The following MKLN1 variants were observed in gnomAD, a reference collection of about 807,000 sequenced individuals.
MKLN1 encodes muskelin.
A neutral mutation model predicts 99.0 loss-of-function variants in MKLN1; 18 were observed. The observed-to-expected ratio is 0.18, with a 90% CI of 0.13 to 0.27. MKLN1 has a LOEUF of 0.27. Ranked by LOEUF, MKLN1 falls within the 10% of genes least tolerant of loss-of-function variation. The pLI, the probability that MKLN1 is intolerant of heterozygous loss-of-function variation, is 1.00. For missense variants in MKLN1, 621 were observed against 875.9 expected, an observed-to-expected ratio of 0.71 and a Z score of 3.67; for synonymous variants, 288 against 293.2, an observed-to-expected ratio of 0.98 and a Z score of 0.18.
At chr7:131,158,214 C>A (rs1256868013) in intron 2 of MKLN1, among the ~76,000 whole-genome samples, 2 of 152,128 alleles carry the variant, frequency 1.3e-5, no homozygotes, top group East Asian at 1.9e-4. Context: ...CTGAGGCAGG[C>A]GGATCACCTG....
At chr7:131,198,816 T>C (rs1796685743) in intron 2 of MKLN1, among the ~76,000 whole-genome samples, 1 of 152,150 alleles carries the variant, frequency 6.6e-6, no homozygotes, top group Non-Finnish European at 1.5e-5. Flanking sequence ...CAACCTTATG[T>C]CCCGTCACCT....
intron 3 of MKLN1, among the ~76,000 whole-genome samples, chr7:131,307,037 C>T (rs1798477176): frequency 1.3e-5 from 2 of 152,052 alleles, no homozygotes; most frequent in South Asian, 4.1e-4. Context: ...ATCCCAGCCA[C>T]AGTTGGGGGA....
chr7:131,193,846 A>G (rs1395650554), intron 2 of MKLN1, among the ~76,000 whole-genome samples: 1 of 151,892 alleles, frequency 6.6e-6, no homozygotes, highest in Non-Finnish European at 1.5e-5. Flanking sequence ...CAGGCTAGTA[A>G]CAAACTCCTG....
rs527934860 is a variant in MKLN1 at position 131,425,056 on chromosome 7, A to G, written c.848-3977A>G. On this transcript the variant is annotated intron_variant, in intron 8 of 17. Transcript: ENST00000352689. ...CACACAGTTTAACCATTTAACATGC[A>G]TTATTTAATTTAATTTAATTCTCAC... Among the ~76,000 whole-genome samples, 4 of 152,314 alleles carry G rather than the reference A, an allele frequency of 2.6e-5. 1 individual carries two copies. The highest frequency in any genetic ancestry group is 4.8e-5 in the African/African-American group (2 of 41,574).
chr7:131,424,169 A>G (rs1434865642), intron 8 of MKLN1, among the ~76,000 whole-genome samples: 1 of 152,096 alleles, frequency 6.6e-6, no homozygotes, highest in Non-Finnish European at 1.5e-5. Flanking sequence ...TCTAAATATT[A>G]TAGAGTTTTA....
At chr7:131,355,628 C>CCATATATATATA (rs780680120) in intron 1 of MKLN1, among the ~76,000 whole-genome samples, 3 of 136,906 alleles carry the variant, frequency 2.2e-5, no homozygotes, top group African/African-American at 8.6e-5. Flanking sequence ...TAACTTGATA[C>CCATATATATATA]TATATATATA....
chr7:131,233,427 C>T (rs986139086), intron 3 of MKLN1, among the ~76,000 whole-genome samples: 7 of 148,154 alleles, frequency 4.7e-5, no homozygotes, highest in African/African-American at 9.8e-5. Context: ...TTATATTTTG[C>T]GTCATGACAG....
At chr7:131,280,807 C>T (rs573794756) in intron 3 of MKLN1, among the ~76,000 whole-genome samples, 1 of 152,104 alleles carries the variant, frequency 6.6e-6, no homozygotes, top group Admixed American at 6.6e-5. Flanking sequence ...CACCACCACA[C>T]CCAGCTAATT....
chr7:131,347,107 A>G (rs1019962786), intron 1 of MKLN1, among the ~76,000 whole-genome samples: 1 of 152,208 alleles, frequency 6.6e-6, no homozygotes, highest in African/African-American at 2.4e-5. Flanking sequence ...GCATGGTGCA[A>G]CCTGCATAAT....
intron 1 of MKLN1, among the ~76,000 whole-genome samples, chr7:131,133,827 T>G (rs1795604089): frequency 2.3e-5 from 3 of 133,220 alleles, no homozygotes; most frequent in Non-Finnish European, 4.9e-5. Flanking sequence ...TTGGTTTTTT[T>G]TTTTTTTTTT....
intron 2 of MKLN1, among the ~76,000 whole-genome samples, chr7:131,202,595 C>A (rs1009223229): frequency 6.6e-6 from 1 of 152,104 alleles, no homozygotes; most frequent in African/African-American, 2.4e-5. Context: ...CTGTCCTGGG[C>A]ATTATAGGAT....
At chr7:131,476,891 A>G (rs1796982406) in intron 16 of MKLN1, among the ~76,000 whole-genome samples, 1 of 152,206 alleles carries the variant, frequency 6.6e-6, no homozygotes. Flanking sequence ...GGATAGACAA[A>G]TGGATCAGTA....
In MKLN1 at chr7:131,189,625, G is replaced by T. The variant is rs117663236; in HGVS notation, c.-296-13232G>T. Among the ~76,000 whole-genome samples, 279 of 151,986 alleles carry T rather than the reference G, an allele frequency of 1.8e-3. 1 individual carries two copies. The highest frequency in any genetic ancestry group is 4.0e-3 in the Admixed American group (61 of 15,258). The stretch of plus-strand genomic sequence containing the variant: ...TTCTTTCAGGCCTAGAGCCAGTCAG[G>T]GTCCTTAGCTTTGTTTGCAAGATGC... On this transcript the variant is annotated intron_variant, in intron 2 of 7. Coordinates refer to the MKLN1 transcript ENST00000416992.
intron 9 of MKLN1, among the ~76,000 whole-genome samples, chr7:131,436,053 G>T (rs938324021): frequency 6.6e-6 from 1 of 151,968 alleles, no homozygotes; most frequent in Non-Finnish European, 1.5e-5. Context: ...CTTTGTTTTT[G>T]AGATTATTTA....
upstream of MKLN1, chr7:131,327,850 C>T (rs202221632): frequency 6.7e-3 from 10,667 of 1,600,400 alleles, 48 homozygotes; most frequent in Non-Finnish European, 8.1e-3. Flanking sequence ...CCCCTCCCCT[C>T]CTCCCGTTCG....
At chr7:131,352,060 G>T (rs373723701) in intron 1 of MKLN1, among the ~76,000 whole-genome samples, 4 of 152,164 alleles carry the variant, frequency 2.6e-5, no homozygotes, top group African/African-American at 9.7e-5. Context: ...TTAATCACTA[G>T]TTTTCAGCAT....
At chr7:131,445,387 T>C (rs1795980174) in intron 11 of MKLN1, among the ~76,000 whole-genome samples, 1 of 152,128 alleles carries the variant, frequency 6.6e-6, no homozygotes, top group Non-Finnish European at 1.5e-5. Context: ...CCTTCCTTTG[T>C]TTTTCAAAAA....
intron 3 of MKLN1, among the ~76,000 whole-genome samples, chr7:131,251,233 G>A (rs1797573821): frequency 1.3e-5 from 2 of 151,928 alleles, no homozygotes; most frequent in South Asian, 2.1e-4. Context: ...ACCATCTTCC[G>A]AAACAAAAAC....
chr7:131,354,831 C>T (rs534130639), intron 1 of MKLN1, among the ~76,000 whole-genome samples: 7 of 152,260 alleles, frequency 4.6e-5, no homozygotes, highest in East Asian at 3.9e-4. Context: ...TTATATCTAT[C>T]GAAACATTTA....
Sources: allele counts gnomAD v4.1 joint callset (sites outside exome capture counted in the v4.1 genomes callset), GRCh38; gene constraint gnomAD v4.1.1; transcripts MANE v1.5; gene names NCBI Gene and HGNC (gene_info 2026-07-23, HGNC 2026-07-21).